Variants in RABGAP1L observed in about 807,000 individuals in gnomAD.
The protein encoded by RABGAP1L is rab GTPase-activating protein 1-like.
In RABGAP1L, 63 loss-of-function variants were observed where a neutral mutation model predicts 137.7. The observed-to-expected ratio is 0.46, with a 90% confidence interval of 0.37 to 0.56. The LOEUF is 0.56. Ranked by LOEUF, RABGAP1L falls within the 20% of genes least tolerant of loss-of-function variation. The pLI, the probability that RABGAP1L is intolerant of heterozygous loss-of-function variation, is 0.00. For synonymous variants in RABGAP1L, 431 were observed against 433.7 expected, an observed-to-expected ratio of 0.99 and a Z score of 0.08; for missense variants, 1,095 against 1,244.0, an observed-to-expected ratio of 0.88 and a Z score of 1.80.
chr1:174,465,000 T>A (rs1463696797), intron 13 of RABGAP1L, among the ~76,000 whole-genome samples: 1 of 152,004 alleles, frequency 6.6e-6, no homozygotes, highest in Non-Finnish European at 1.5e-5. Context: ...CCCAAAATCT[T>A]CCTATTGATC....
intron 11 of RABGAP1L, among the ~76,000 whole-genome samples, chr1:174,346,526 C>T (rs916463899): frequency 6.6e-6 from 1 of 152,066 alleles, no homozygotes; most frequent in Non-Finnish European, 1.5e-5. Context: ...AATGTATTGA[C>T]ACGTAGCTGC....
At chr1:174,801,677 CAT>C (rs1352744346) in intron 18 of RABGAP1L, among the ~76,000 whole-genome samples, 3 of 152,140 alleles carry the variant, frequency 2.0e-5, no homozygotes, top group Admixed American at 1.3e-4. Context: ...GAGCTGAAGA[CAT>C]GTGTTTTAAT....
In RABGAP1L at chr1:174,409,153, C is replaced by T. The variant is rs150951499; in HGVS notation, c.1710+15008C>T. ...TATTGTTACAGGAAGTCAGGGACCC[C>T]GAACGGAGGGACCAGCTGGAGCTGC... On this transcript the variant is annotated intron_variant, in intron 13 of 25. Transcript: ENST00000681986. 9.0e-3 allele frequency among the ~76,000 whole-genome samples: 1,365 copies of T among 152,136 alleles called. 21 individuals carry two copies. The highest frequency in any genetic ancestry group is 0.031 in the African/African-American group (1,306 of 41,514).
intron 13 of RABGAP1L, among the ~76,000 whole-genome samples, chr1:174,603,951 C>G (rs1553209312): frequency 6.6e-6 from 1 of 151,596 alleles, no homozygotes; most frequent in Non-Finnish European, 1.5e-5. Context: ...ACTCTCCCCT[C>G]TCCTCTCCTC....
In RABGAP1L at chr1:174,474,747, C is replaced by T. The variant is rs996295310; in HGVS notation, c.1710+80602C>T. 4.6e-5 allele frequency among the ~76,000 whole-genome samples: 7 copies of T among 151,956 alleles called. No homozygotes were observed. The South Asian group carries it at 6.2e-4, about 14-fold the overall frequency. On this transcript the variant is annotated intron_variant, in intron 13 of 25. Coordinates refer to ENST00000681986, the MANE Select transcript of RABGAP1L (RefSeq NM_001366446.1). Reference sequence around the variant, plus strand: ...CCTCCCGAGTAGCTGGGACTACAGGCGTGCGTCACCACGCCCAGCTAATTT... The same window carrying T: ...CCTCCCGAGTAGCTGGGACTACAGGTGTGCGTCACCACGCCCAGCTAATTT...
intron 19 of RABGAP1L, among the ~76,000 whole-genome samples, chr1:174,871,746 A>T (rs1652235496): frequency 6.6e-6 from 1 of 152,220 alleles, no homozygotes; most frequent in Non-Finnish European, 1.5e-5. Context: ...TTAAATAATT[A>T]TTTGAATGCT....
chr1:174,553,171 A>G (rs1217437156), intron 13 of RABGAP1L, among the ~76,000 whole-genome samples: 8 of 152,116 alleles, frequency 5.3e-5, no homozygotes, highest in Admixed American at 1.3e-4. Context: ...CTCCCATTCT[A>G]TAGGTTGTCT....
At chr1:174,335,507 T>A (rs1681400647) in intron 11 of RABGAP1L, among the ~76,000 whole-genome samples, 1 of 152,220 alleles carries the variant, frequency 6.6e-6, no homozygotes. Flanking sequence ...TGAATACCAA[T>A]AATCTTAGCA....
intron 13 of RABGAP1L, among the ~76,000 whole-genome samples, chr1:174,584,037 T>C (rs2148099905): frequency 6.6e-6 from 1 of 152,166 alleles, no homozygotes; most frequent in African/African-American, 2.4e-5. Context: ...GGCATTCCAT[T>C]ATGAAGGGTC....
In RABGAP1L at chr1:174,588,385, G is replaced by A. The variant is rs187755228; in HGVS notation, c.1711-48990G>A. ...TCATCATGTTGGCCAGGCTAGTCTC[G>A]AACTCCTGACCTCAGGTGATCCGCT... On this transcript the variant is annotated intron_variant, in intron 13 of 25. Transcript: ENST00000681986. Among the ~76,000 whole-genome samples, 268 of 151,854 alleles carry A rather than the reference G, an allele frequency of 1.8e-3. 1 individual carries two copies. Among genetic ancestry groups the A allele is most frequent in the Non-Finnish European group, 2.9e-3 (198 of 67,946 alleles).
At chr1:174,182,788 A>G (rs1489028725) in intron 1 of RABGAP1L, among the ~76,000 whole-genome samples, 1 of 152,248 alleles carries the variant, frequency 6.6e-6, no homozygotes, top group Non-Finnish European at 1.5e-5. Context: ...AATGTAAAAA[A>G]TTAGAACTGC....
chr1:174,474,277 T>A (rs1658255536), intron 13 of RABGAP1L, among the ~76,000 whole-genome samples: 1 of 152,216 alleles, frequency 6.6e-6, no homozygotes, highest in Non-Finnish European at 1.5e-5. Flanking sequence ...GATTGTTTAT[T>A]TCTTCAACTA....
chr1:174,447,109 C>G (rs935947133), intron 13 of RABGAP1L, among the ~76,000 whole-genome samples: 22 of 152,088 alleles, frequency 1.4e-4, no homozygotes, highest in African/African-American at 5.3e-4. Context: ...GTTATAGATG[C>G]CAAATTAATA....
At chr1:174,708,518 A>G (rs1680224266) in intron 17 of RABGAP1L, among the ~76,000 whole-genome samples, 2 of 152,146 alleles carry the variant, frequency 1.3e-5, no homozygotes, top group South Asian at 4.2e-4. Flanking sequence ...GTGGGGCATC[A>G]CCTCACCTGG....
intron 15 of RABGAP1L, among the ~76,000 whole-genome samples, chr1:174,696,625 G>T (rs1679280880): frequency 6.6e-6 from 1 of 152,188 alleles, no homozygotes; most frequent in African/African-American, 2.4e-5. Context: ...GCTAAATTCT[G>T]CCCTGTGTTG....
chr1:174,671,302 C>A (rs1677158764), intron 14 of RABGAP1L, among the ~76,000 whole-genome samples: 1 of 152,090 alleles, frequency 6.6e-6, no homozygotes, highest in Admixed American at 6.6e-5. Context: ...TCTTCCTTTC[C>A]AATTTGGATG....
intron 20 of RABGAP1L, chr1:174,957,983 T>C (rs1668752044): frequency 6.4e-7 from 1 of 1,566,822 alleles, no homozygotes; most frequent in Admixed American, 2.1e-5. Flanking sequence ...GAAAGTGGCT[T>C]TCTACTTTCA....
chr1:174,457,345 A>G (rs926485636), intron 13 of RABGAP1L, among the ~76,000 whole-genome samples: 3 of 152,198 alleles, frequency 2.0e-5, no homozygotes, highest in Non-Finnish European at 2.9e-5. Flanking sequence ...TATGTGGATT[A>G]TATCTGATTA....
At chr1:174,724,265 G>A (rs1456362632) in intron 17 of RABGAP1L, among the ~76,000 whole-genome samples, 1 of 152,114 alleles carries the variant, frequency 6.6e-6, no homozygotes, top group African/African-American at 2.4e-5. Context: ...ACATTAATGT[G>A]TTACATGATG....
Sources: allele counts gnomAD v4.1 joint callset (sites outside exome capture counted in the v4.1 genomes callset), GRCh38; gene constraint gnomAD v4.1.1; transcripts MANE v1.5; gene names NCBI Gene and HGNC (gene_info 2026-07-23, HGNC 2026-07-21).